Variants in RAD51B observed in about 807,000 individuals in gnomAD.
The protein encoded by RAD51B is DNA repair protein RAD51 homolog 2.
A neutral mutation model predicts 42.2 loss-of-function variants in RAD51B; 38 were observed. The ratio of observed to expected loss-of-function variants is 0.90; its 90% CI spans 0.70 to 1.18. The LOEUF (loss-of-function observed/expected upper bound fraction) is 1.18, where lower values mean the gene tolerates loss of function less well. Among genes scored for constraint, RAD51B ranks in the 50% most tolerant of loss-of-function variants. The pLI is 0.00. For synonymous variants in RAD51B, 154 were observed against 145.2 expected (o/e 1.06, Z -0.43); for missense variants, 373 against 400.7 (o/e 0.93, Z 0.59).
downstream of RAD51B, among the ~76,000 whole-genome samples, chr14:68,612,650 C>T (rs1009064349): frequency 6.6e-6 from 1 of 152,006 alleles, no homozygotes; most frequent in African/African-American, 2.4e-5. Flanking sequence ...TTTATGGATA[C>T]AAAGTTTCTG....
At chr14:68,426,731 T>C (rs1053642513) in intron 9 of RAD51B, among the ~76,000 whole-genome samples, 9 of 152,194 alleles carry the variant, frequency 5.9e-5, no homozygotes, top group Admixed American at 5.9e-4. Flanking sequence ...AATGTGTGGC[T>C]AAGCAACCAT....
chr14:68,256,915 T>C (rs1443424193), intron 7 of RAD51B, among the ~76,000 whole-genome samples: 2 of 152,220 alleles, frequency 1.3e-5, no homozygotes, highest in African/African-American at 4.8e-5. Context: ...TATACATAAG[T>C]ATATTTCAAG....
At chr14:68,654,361 C>G (rs1433916650) in intron 11 of RAD51B, among the ~76,000 whole-genome samples, 1 of 152,220 alleles carries the variant, frequency 6.6e-6, no homozygotes, top group Non-Finnish European at 1.5e-5. Flanking sequence ...GACACCTTTA[C>G]GTCAGGGTGT....
At chr14:68,629,373 C>A (rs188856840) in intron 10 of RAD51B, among the ~76,000 whole-genome samples, 21 of 152,314 alleles carry the variant, frequency 1.4e-4, no homozygotes, top group Admixed American at 1.4e-3. Context: ...ACCCACCTCT[C>A]TTTCCCATTT....
chr14:68,504,716 T>C (rs1320592932), intron 10 of RAD51B, among the ~76,000 whole-genome samples: 1 of 141,276 alleles, frequency 7.1e-6, no homozygotes, highest in Non-Finnish European at 1.5e-5. Context: ...ATTCATTTCC[T>C]GGCTTAAAAA....
chr14:68,136,260 G>A (rs1325544746), intron 7 of RAD51B, among the ~76,000 whole-genome samples: 1 of 152,048 alleles, frequency 6.6e-6, no homozygotes, highest in African/African-American at 2.4e-5. Flanking sequence ...TTTGCTGTGA[G>A]CAGGGTCACA....
chr14:68,536,104 G>C (rs577180907), intron 10 of RAD51B, among the ~76,000 whole-genome samples: 1 of 152,282 alleles, frequency 6.6e-6, no homozygotes, highest in East Asian at 1.9e-4. Context: ...CACAGGTCTG[G>C]TCAGGACACT....
At chr14:68,286,090 G>A (rs2081410203) in intron 7 of RAD51B, among the ~76,000 whole-genome samples, 1 of 152,256 alleles carries the variant, frequency 6.6e-6, no homozygotes, top group East Asian at 1.9e-4. Context: ...TTTTATAGGT[G>A]GAATTCTCTA....
chr14:68,456,766 C>T (rs1291904915), intron 9 of RAD51B, among the ~76,000 whole-genome samples: 1 of 150,606 alleles, frequency 6.6e-6, no homozygotes, highest in Non-Finnish European at 1.5e-5. Flanking sequence ...CTCTAAACAA[C>T]AGCAGATACA....
chr14:68,098,822 C>G (rs2077240884), intron 7 of RAD51B, among the ~76,000 whole-genome samples: 1 of 152,172 alleles, frequency 6.6e-6, no homozygotes, highest in South Asian at 2.1e-4. Flanking sequence ...TATGCTCAAG[C>G]AAGGCATATC....
intron 8 of RAD51B, among the ~76,000 whole-genome samples, chr14:68,343,604 C>T (rs1207319805): frequency 6.6e-6 from 1 of 152,238 alleles, no homozygotes; most frequent in Non-Finnish European, 1.5e-5. Flanking sequence ...GGAATACAAG[C>T]AGGCTGAGGA....
intron 5 of RAD51B, 37 bp from the exon 6 acceptor site, chr14:67,885,832 T>C: frequency 6.4e-7 from 1 of 1,565,822 alleles, no homozygotes; most frequent in Non-Finnish European, 8.7e-7. Flanking sequence ...TAAGTAGAAT[T>C]GACTGTTTTC....
chr14:67,955,911 A>G (rs2074537649), intron 7 of RAD51B, among the ~76,000 whole-genome samples: 1 of 152,320 alleles, frequency 6.6e-6, no homozygotes, highest in South Asian at 2.1e-4. Context: ...TAGCAATGAA[A>G]ATAGTGTGGG....
In RAD51B at chr14:68,253,000, T is replaced by C. The variant is rs146694137; in HGVS notation, c.757-38884T>C. ...CAGGAGGCTAAGGCAGGAGAATCAC[T>C]TGAACCTGGGCGGCGGAGGTTGCAG... On this transcript the variant is annotated intron_variant, in intron 7 of 10. Transcript: ENST00000471583. Among the ~76,000 whole-genome samples the C allele has an allele frequency of 3.8e-3, 575 of 152,070 alleles. 2 individuals are homozygous for C. Among genetic ancestry groups the C allele is most frequent in the East Asian group, 0.014 (71 of 5,186 alleles).
chr14:68,103,806 T>G (rs763878258), intron 7 of RAD51B, among the ~76,000 whole-genome samples: 1 of 152,152 alleles, frequency 6.6e-6, no homozygotes, highest in Non-Finnish European at 1.5e-5. Context: ...AAAAAACACA[T>G]TAGGATCAAA....
intron 9 of RAD51B, among the ~76,000 whole-genome samples, chr14:68,431,619 G>A (rs1434633668): frequency 6.6e-6 from 1 of 152,014 alleles, no homozygotes; most frequent in Non-Finnish European, 1.5e-5. Context: ...ATTTTTTATT[G>A]CATCTATTTG....
chr14:68,127,579 TTCATAAA>T, intron 7 of RAD51B, among the ~76,000 whole-genome samples: 1 of 147,060 alleles, frequency 6.8e-6, no homozygotes, highest in African/African-American at 2.5e-5. Context: ...ATAGTGATAA[TTCATAAA>T]TAACAATTGT....
chr14:68,126,262 C>T (rs1035553729), intron 7 of RAD51B, among the ~76,000 whole-genome samples: 1 of 152,086 alleles, frequency 6.6e-6, no homozygotes, highest in Non-Finnish European at 1.5e-5. Flanking sequence ...TTTATGTAGC[C>T]TTGTTTCCTG....
At chr14:68,266,143 A>T (rs962653920) in intron 7 of RAD51B, among the ~76,000 whole-genome samples, 1 of 152,254 alleles carries the variant, frequency 6.6e-6, no homozygotes, top group African/African-American at 2.4e-5. Context: ...CTGTAGGGTT[A>T]GAAGAAGTAA....
Sources: gnomAD v4.1 joint callset for allele counts (sites outside exome capture counted in the v4.1 genomes callset) on GRCh38, gnomAD v4.1.1 for gene constraint, MANE v1.5 for transcripts, NCBI Gene and HGNC (gene_info 2026-07-23, HGNC 2026-07-21) for gene names.